The following ARID2 variants were observed in gnomAD, a reference collection of about 807,000 sequenced individuals.
ARID2 encodes the protein AT-rich interaction domain 2.
Under a neutral mutation model 184.6 loss-of-function variants are expected in ARID2, and 32 were observed. The ratio of observed to expected loss-of-function variants is 0.17; its 90% confidence interval spans 0.13 to 0.23. ARID2 has a LOEUF of 0.23. Ranked by LOEUF, ARID2 falls within the 10% of genes least tolerant of loss-of-function variation. The probability of loss-of-function intolerance (pLI) is 1.00; values close to 1 mark genes in which losing one functional copy is unlikely to be tolerated. For synonymous variants in ARID2, 836 were observed against 772.6 expected (o/e 1.08, Z -1.36); for missense variants, 1,696 against 2,197.6 (o/e 0.77, Z 4.56).
intron 3 of ARID2, among the ~76,000 whole-genome samples, chr12:45,751,596 C>T (rs1451365991): frequency 6.6e-6 from 1 of 152,174 alleles, no homozygotes; most frequent in Non-Finnish European, 1.5e-5. Context: ...GACTGGGATA[C>T]ATTCTAAGAA....
chr12:45,790,860 C>T (rs1193605751), intron 3 of ARID2, among the ~76,000 whole-genome samples: 1 of 151,828 alleles, frequency 6.6e-6, no homozygotes, highest in Admixed American at 6.6e-5. Flanking sequence ...TTAATAATTC[C>T]CTTTATCAAA....
chr12:45,883,866 AGT>A (rs1944142655), intron 16 of ARID2, among the ~76,000 whole-genome samples: 1 of 152,144 alleles, frequency 6.6e-6, no homozygotes, highest in Admixed American at 6.5e-5. Context: ...ATACATAGTA[AGT>A]TCTGAGCAAA....
intron 15 of ARID2, 107 bp downstream of exon 15, chr12:45,853,003 A>G (rs1203418798): frequency 2.1e-6 from 3 of 1,420,832 alleles, no homozygotes; most frequent in Non-Finnish European, 2.7e-6. Flanking sequence ...AAGTTACTGT[A>G]TCAGCTCACT....
At chr12:45,884,793 A>T (rs749837036) in intron 16 of ARID2, among the ~76,000 whole-genome samples, 3 of 152,256 alleles carry the variant, frequency 2.0e-5, no homozygotes, top group Non-Finnish European at 2.9e-5. Flanking sequence ...GGCAGGGCCC[A>T]TCTTTGTACA....
intron 6 of ARID2, among the ~76,000 whole-genome samples, chr12:45,823,405 A>G (rs552445256): frequency 1.3e-5 from 2 of 152,208 alleles, no homozygotes; most frequent in South Asian, 4.1e-4. Context: ...TAGAAAAGCA[A>G]ACCAAACCAA....
At chr12:45,767,189 C>T (rs1367514489) in intron 3 of ARID2, among the ~76,000 whole-genome samples, 1 of 151,920 alleles carries the variant, frequency 6.6e-6, no homozygotes, top group Non-Finnish European at 1.5e-5. Flanking sequence ...TTTATATATT[C>T]TTTGGTGAAG....
intron 3 of ARID2, among the ~76,000 whole-genome samples, chr12:45,785,340 T>C (rs1942176268): frequency 6.6e-6 from 1 of 152,210 alleles, no homozygotes; most frequent in Non-Finnish European, 1.5e-5. Flanking sequence ...GTTTAATAAT[T>C]GGTAACTAAT....
intron 16 of ARID2, among the ~76,000 whole-genome samples, chr12:45,863,969 C>T (rs899424383): frequency 4.0e-5 from 6 of 151,798 alleles, no homozygotes; most frequent in African/African-American, 1.2e-4. Context: ...CATCCTCCCA[C>T]CTCAGCCTCC....
intron 3 of ARID2, among the ~76,000 whole-genome samples, chr12:45,742,838 C>T (rs1036336485): frequency 6.6e-6 from 1 of 152,238 alleles, no homozygotes; most frequent in Middle Eastern, 3.4e-3. Flanking sequence ...AAGCAGCAAT[C>T]AAAGAATAAA....
chr12:45,812,375 CT>C (rs1441930877), intron 4 of ARID2, among the ~76,000 whole-genome samples: 3 of 151,826 alleles, frequency 2.0e-5, no homozygotes, highest in South Asian at 2.1e-4. Context: ...GTATCATCAA[CT>C]TTTTTTTCGT....
intron 16 of ARID2, among the ~76,000 whole-genome samples, chr12:45,888,672 T>TCCAAATAG (rs1416304041): frequency 6.6e-6 from 1 of 152,180 alleles, no homozygotes; most frequent in Non-Finnish European, 1.5e-5. Context: ...CAAATAGATT[T>TCCAAATAG]ATACATATCA....
intron 3 of ARID2, among the ~76,000 whole-genome samples, chr12:45,798,178 T>C (rs367704554): frequency 6.6e-6 from 1 of 151,824 alleles, no homozygotes; most frequent in South Asian, 2.1e-4. Flanking sequence ...CTTAAGAATC[T>C]AAAACAATAG....
chr12:45,824,816 A>G (rs1256438935), intron 6 of ARID2, among the ~76,000 whole-genome samples: 1 of 151,290 alleles, frequency 6.6e-6, no homozygotes, highest in African/African-American at 2.4e-5. Flanking sequence ...CAAGATATGA[A>G]ATTGACTGAA....
intron 4 of ARID2, 43 bp from the exon 5 acceptor site, chr12:45,817,627 A>G (rs775917202): frequency 1.5e-5 from 21 of 1,411,734 alleles, no homozygotes; most frequent in South Asian, 5.0e-5. Context: ...CCATAAAGGT[A>G]TCTGATCTTT....
In ARID2 at chr12:45,845,346, T is replaced by C. The variant is rs150091353; in HGVS notation, c.1499-1510T>C. 8.0e-3 allele frequency among the ~76,000 whole-genome samples: 1,216 copies of C among 152,244 alleles called. 11 individuals are homozygous for C. The highest frequency in any genetic ancestry group is 0.052 in the South Asian group (249 of 4,826). ...AAGGGGAAGAAAAGATAAGCTAGGA[T>C]TGCCAACAGGAAAAATTATTTTTGT... On this transcript the variant is annotated intron_variant, in intron 11 of 20. Coordinates refer to ENST00000334344, the MANE Select transcript of ARID2 (RefSeq NM_152641.4).
At chr12:45,803,987 CAT>C (rs1319446072) in intron 3 of ARID2, among the ~76,000 whole-genome samples, 3 of 152,170 alleles carry the variant, frequency 2.0e-5, no homozygotes, top group African/African-American at 7.2e-5. Flanking sequence ...GGATGAGTAA[CAT>C]ATGGAGTGCC....
At chr12:45,874,881 T>A (rs1270388140) in intron 16 of ARID2, among the ~76,000 whole-genome samples, 1 of 152,224 alleles carries the variant, frequency 6.6e-6, no homozygotes, top group African/African-American at 2.4e-5. Context: ...CTCAACACTT[T>A]GGAAGGCCAA....
chr12:45,757,338 C>T (rs1006425992), intron 3 of ARID2, among the ~76,000 whole-genome samples: 2 of 152,152 alleles, frequency 1.3e-5, no homozygotes, highest in Non-Finnish European at 2.9e-5. Context: ...CAGAATTTCC[C>T]AAACACATTT....
intron 16 of ARID2, 118 bp from the exon 17 acceptor site, chr12:45,891,662 C>T: frequency 1.8e-6 from 2 of 1,105,578 alleles, no homozygotes; most frequent in South Asian, 3.3e-5. Context: ...AAACAATTTA[C>T]CAAAAGTGTT....
Sources: gnomAD v4.1 joint callset for allele counts (sites outside exome capture counted in the v4.1 genomes callset) on GRCh38, gnomAD v4.1.1 for gene constraint, MANE v1.5 for transcripts, NCBI Gene and HGNC (gene_info 2026-07-23, HGNC 2026-07-21) for gene names.